The following EVI5L variants were observed in gnomAD, a reference collection of about 807,000 sequenced individuals.
EVI5L encodes EVI5-like protein.
In EVI5L, 30 loss-of-function variants were observed where a neutral mutation model predicts 106.1. That is an observed-to-expected ratio of 0.28 (90% CI 0.21 to 0.38). The LOEUF (loss-of-function observed/expected upper bound fraction) is 0.38. EVI5L is among the 10% of genes least tolerant of loss of function. EVI5L has a pLI of 1.00. For missense variants in EVI5L, 809 were observed against 1,098.0 expected (o/e 0.74, Z 3.72); for synonymous variants, 489 against 483.3 (o/e 1.01, Z -0.15).
chr19:7,843,417 G>C (rs1284220482), intron 1 of EVI5L, among the ~76,000 whole-genome samples: 1 of 105,320 alleles, frequency 9.5e-6, no homozygotes, highest in African/African-American at 3.4e-5. Flanking sequence ...GTGAGAATAG[G>C]CATGGGTGTG....
chr19:7,841,188 T>C (rs1457184870), intron 1 of EVI5L, among the ~76,000 whole-genome samples: 2 of 151,994 alleles, frequency 1.3e-5, no homozygotes, highest in African/African-American at 4.8e-5. Flanking sequence ...GGCTGGGGGC[T>C]GATGGAGCTG....
At position 7,862,995 on chromosome 19, in the gene EVI5L, G is replaced by A. The variant is rs1458967017; in HGVS notation, c.1971G>A (p.Val657=). The change falls in exon 18 of 20, where the codon GTG becomes GTA. Residue 657 remains valine (V), a synonymous_variant. Coordinates refer to ENST00000538904, the MANE Select transcript of EVI5L (RefSeq NM_001159944.3). ...AGAGCAAGGAGGAGGTGATGGCTGTGCGACTGCGGGAGGCGGACAGCATGG... is the reference window on the plus strand; with the variant it reads ...AGAGCAAGGAGGAGGTGATGGCTGTACGACTGCGGGAGGCGGACAGCATGG... The part of the protein sequence containing the change: ...ECKSKEEVMA[V]RLREADSMAA... 5 of 1,577,154 alleles carry A rather than the reference G, an allele frequency of 3.2e-6. No homozygotes were observed. The highest frequency in any genetic ancestry group is 4.3e-6 in the Non-Finnish European group (5 of 1,169,874).
chr19:7,831,623 A>G (rs1490101444), intron 1 of EVI5L, among the ~76,000 whole-genome samples: 1 of 152,172 alleles, frequency 6.6e-6, no homozygotes. Flanking sequence ...GCCCTTTCAA[A>G]GGGAAGGACG....
chr19:7,852,977 AC>A (rs1979329613), intron 8 of EVI5L, 108 bp from the exon 9 acceptor site: 1 of 1,013,564 alleles, frequency 9.9e-7, no homozygotes, highest in South Asian at 1.4e-5. Flanking sequence ...ACATGGCGAC[AC>A]CCCGGGCAGA....
At position 7,851,773 on chromosome 19, in the gene EVI5L, G is replaced by A. The variant is rs927070371; in HGVS notation, c.987+3G>A. 2 of 1,495,128 alleles carry A rather than the reference G, an allele frequency of 1.3e-6. No individual in the cohort carries two copies. Among genetic ancestry groups the A allele is most frequent in the Admixed American group, 2.4e-5 (1 of 41,056 alleles). The allele number at this position is 1,495,128 out of a possible 1,614,324, so 92.6% of individuals were successfully genotyped here. A position where few individuals can be genotyped will look rare whatever the true frequency, so the allele number is the denominator to read the frequency against. On this transcript the variant is annotated splice_donor_region_variant and intron_variant, in intron 8 of 19. Coordinates refer to ENST00000538904, the MANE Select transcript of EVI5L (RefSeq NM_001159944.3). ...TGGACATGGAGGGGATGTCCCAGGT[G>A]GGCCGGGAGGGCCAGGGCCGGTGGG...
Position 7,846,569 on chromosome 19 carries a change from C to T in EVI5L, c.27C>T (p.Asp9=). Residue 9 remains aspartate, a synonymous_variant, in exon 2 of 20, where the codon GAC becomes GAT. Coordinates refer to ENST00000538904, the MANE Select transcript of EVI5L (RefSeq NM_001159944.3). ...TGGCGAGCCCCACTCTGAGCCCCGA[C>T]TCCTCATCCCAGGAGGCCCTGTCGG... MASPTLSP[D]SSSQEALSAP... 3.7e-6 allele frequency: 6 copies of T among 1,613,204 alleles called. No homozygotes were observed. Among genetic ancestry groups the T allele is most frequent in the Non-Finnish European group, 5.1e-6 (6 of 1,179,700 alleles).
chr19:7,851,288 G>A (rs1388028573), intron 6 of EVI5L, 146 bp from the exon 7 acceptor site: 13 of 951,016 alleles, frequency 1.4e-5, no homozygotes, highest in Non-Finnish European at 2.0e-5. Context: ...CTCAGACAGA[G>A]TGCTGAGGGA....
At chr19:7,853,244 A>C in intron 9 of EVI5L, 29 bp from the exon 10 acceptor site, 3 of 1,613,930 alleles carry the variant, frequency 1.9e-6, no homozygotes, top group Non-Finnish European at 2.5e-6. Context: ...AGGGCATGAC[A>C]GTAACCACGG....
chr19:7,863,415 C>A lies in EVI5L; in HGVS notation c.2140-9C>A. ...GGTCCACGCCTGCAGCGCCGGTCCC[C>A]CGCCCCAGGTGCGGCTGCTGAAGGG... On this transcript the variant is annotated splice_polypyrimidine_tract_variant and intron_variant, in intron 19 of 19. Coordinates refer to ENST00000538904, the MANE Select transcript of EVI5L (RefSeq NM_001159944.3). This position sits in a 1 kb window ranked among gnomAD's most constrained non-coding sequence, Gnocchi z 7.7. 5.9e-6 allele frequency: 9 copies of A among 1,534,200 alleles called. No individual in the cohort carries two copies. The highest frequency in any genetic ancestry group is 1.2e-5 in the South Asian group (1 of 82,234).
At chr19:7,839,232 G>C (rs1978488138) in intron 1 of EVI5L, among the ~76,000 whole-genome samples, 1 of 151,228 alleles carries the variant, frequency 6.6e-6, no homozygotes, top group African/African-American at 2.4e-5. Context: ...GAACCCAGGA[G>C]GCGGAGCTTG....
intron 13 of EVI5L, 134 bp from the exon 14 acceptor site, chr19:7,860,427 C>T: frequency 4.2e-6 from 3 of 717,452 alleles, no homozygotes; most frequent in Admixed American, 3.0e-5. Context: ...GGGGGTCCAG[C>T]CCAGGACACC....
chr19:7,840,282 G>A (rs569831693), intron 1 of EVI5L, among the ~76,000 whole-genome samples: 7 of 152,112 alleles, frequency 4.6e-5, no homozygotes, highest in Admixed American at 3.3e-4. Context: ...AGTTCAAGAC[G>A]AGCCTGGCCA....
In EVI5L at chr19:7,861,888, C is replaced by T; in HGVS notation, c.1514C>T (p.Ser505Leu). Residue 505 changes from serine to leucine, a missense_variant, in exon 15 of 20, where the codon TCG becomes TTG. Around this residue, in one of 2 missense-constraint regions of EVI5L, gnomAD observed 452 missense variants for 509.9 expected, o/e 0.89. Coordinates refer to ENST00000538904, the MANE Select transcript of EVI5L (RefSeq NM_001159944.3). Reference sequence around the variant, plus strand: ...CCACTCTTCCCGCAGAGGAACAGCTCGCTGCCCGACGAGAACAATGTGGCG... The same window carrying T: ...CCACTCTTCCCGCAGAGGAACAGCTTGCTGCCCGACGAGAACAATGTGGCG... ...KVLDMEKRNS[S>L]LPDENNVAQL... The T allele has an allele frequency of 2.6e-6, 4 of 1,550,972 alleles. No individual in the cohort carries two copies. The highest frequency in any genetic ancestry group is 2.6e-6 in the Non-Finnish European group (3 of 1,147,380).
chr19:7,843,010 G>A (rs1386065028), intron 1 of EVI5L, among the ~76,000 whole-genome samples: 2 of 151,828 alleles, frequency 1.3e-5, no homozygotes, highest in Non-Finnish European at 2.9e-5. Flanking sequence ...GTGCATGTGT[G>A]TATAGGTGTG....
Position 7,857,557 on chromosome 19 carries a change from G to A in EVI5L, c.1233+433G>A. On this transcript the variant is annotated intron_variant, in intron 12 of 19. Coordinates refer to ENST00000538904, the MANE Select transcript of EVI5L (RefSeq NM_001159944.3). This position sits in a 1 kb window ranked among gnomAD's most constrained non-coding sequence, Gnocchi z 4.5. ...GCTGCTCTCTGCTCCTACCTGCAAT[G>A]CCTGCTACCACCTTCTCTAGCTCAC... The A allele has an allele frequency of 4.2e-6, 1 of 236,064 alleles. No homozygotes were observed. The highest frequency in any genetic ancestry group is 6.4e-5 in the South Asian group (1 of 15,740). The allele number at this position is 236,064 out of a possible 1,614,324, so 14.6% of individuals were successfully genotyped here.
At chr19:7,862,740 A>C (rs867599210) in intron 17 of EVI5L, among the ~76,000 whole-genome samples, 4,226 of 22,960 alleles carry the variant, frequency 0.18, 2 homozygotes, top group Non-Finnish European at 0.21. Context: ...CCTCCTGACC[A>C]CCCCCCCCCG....
chr19:7,851,181 C>T (rs969774224), intron 6 of EVI5L, among the ~76,000 whole-genome samples: 1 of 152,148 alleles, frequency 6.6e-6, no homozygotes, highest in African/African-American at 2.4e-5. Flanking sequence ...GCATCACCTA[C>T]CCAGGGTGGG....
intron 13 of EVI5L, among the ~76,000 whole-genome samples, chr19:7,859,692 C>T (rs1018931477): frequency 6.6e-6 from 1 of 152,226 alleles, no homozygotes; most frequent in African/African-American, 2.4e-5. Context: ...CTTTCAGGCT[C>T]GTTAGAGAGA....
intron 1 of EVI5L, among the ~76,000 whole-genome samples, chr19:7,844,247 G>A (rs1261933672): frequency 6.6e-6 from 1 of 151,144 alleles, no homozygotes; most frequent in Non-Finnish European, 1.5e-5. Context: ...CAGGAGAATC[G>A]CGTGAACCCG....
Sources: gnomAD v4.1 joint callset for allele counts (sites outside exome capture counted in the v4.1 genomes callset) on GRCh38, gnomAD v4.1.1 for gene constraint, gnomAD v4.1.1 regional missense constraint, Gnocchi (gnomAD v3.1) non-coding constraint, MANE v1.5 for transcripts, NCBI Gene and HGNC (gene_info 2026-07-23, HGNC 2026-07-21) for gene names.